Variants in MACROD2 observed in about 807,000 individuals in gnomAD.
The protein encoded by MACROD2 is mono-ADP ribosylhydrolase 2.
A neutral mutation model predicts 70.4 loss-of-function variants in MACROD2; 36 were observed. The observed-to-expected ratio is 0.51, with a 90% confidence interval of 0.39 to 0.68. The LOEUF (loss-of-function observed/expected upper bound fraction) is 0.68. Ranked by LOEUF, MACROD2 falls within the 30% of genes least tolerant of loss-of-function variation. MACROD2 has a pLI of 0.00. For missense variants in MACROD2, 496 were observed against 538.4 expected (o/e 0.92, Z 0.78); for synonymous variants, 172 against 178.8 (o/e 0.96, Z 0.30).
At chr20:14,024,579 A>G (rs1326789296) in intron 2 of MACROD2, among the ~76,000 whole-genome samples, 1 of 152,148 alleles carries the variant, frequency 6.6e-6, no homozygotes, top group African/African-American at 2.4e-5. Context: ...TAGCTTATTG[A>G]GAGTTTTTAG....
chr20:14,481,145 AG>A (rs1435588474), intron 3 of MACROD2, among the ~76,000 whole-genome samples: 1 of 152,156 alleles, frequency 6.6e-6, no homozygotes, highest in East Asian at 1.9e-4. Context: ...ATAAAATCTT[AG>A]GTTAGCCAGT....
intron 8 of MACROD2, among the ~76,000 whole-genome samples, chr20:15,510,392 G>A (rs139142418): frequency 6.6e-6 from 1 of 152,216 alleles, no homozygotes; most frequent in Non-Finnish European, 1.5e-5. Context: ...TGATGGACTA[G>A]GACTCGTATG....
chr20:15,446,568 T>C (rs1407556160), intron 7 of MACROD2, among the ~76,000 whole-genome samples: 3 of 152,182 alleles, frequency 2.0e-5, no homozygotes, highest in African/African-American at 7.2e-5. Context: ...TCTGGCACAC[T>C]GCCAACACCC....
intron 4 of MACROD2, among the ~76,000 whole-genome samples, chr20:14,581,995 G>A (rs1176468755): frequency 6.6e-6 from 1 of 152,108 alleles, no homozygotes; most frequent in South Asian, 2.1e-4. Context: ...AAGATTAAAC[G>A]TCAGTTGCTC....
intron 3 of MACROD2, among the ~76,000 whole-genome samples, chr20:14,241,557 T>C (rs2081929811): frequency 6.6e-6 from 1 of 152,086 alleles, no homozygotes; most frequent in African/African-American, 2.4e-5. Flanking sequence ...TAAGCATATA[T>C]GTATATATAT....
chr20:14,725,646 C>G (rs2071520481), intron 5 of MACROD2, among the ~76,000 whole-genome samples: 2 of 152,096 alleles, frequency 1.3e-5, no homozygotes, highest in African/African-American at 4.8e-5. Flanking sequence ...GGAGAGGAAG[C>G]CAGCAAAGCT....
chr20:14,487,973 T>A (rs1481012954), intron 3 of MACROD2, among the ~76,000 whole-genome samples: 1 of 152,196 alleles, frequency 6.6e-6, no homozygotes, highest in Non-Finnish European at 1.5e-5. Flanking sequence ...ATACTGGAAC[T>A]AGGTAAGATA....
rs76214962 is a variant in MACROD2, at chr20:15,260,287, C to T, written c.540+30226C>T. Reference sequence around the variant, plus strand: ...CCATTCCCTCTTTATCCCCCCTCCCCACTTCCTTTCATAGCTTCTGGTAAC... The same window carrying T: ...CCATTCCCTCTTTATCCCCCCTCCCTACTTCCTTTCATAGCTTCTGGTAAC... On this transcript the variant is annotated intron_variant, in intron 6 of 17. Transcript: ENST00000684519. 2.7e-3 allele frequency among the ~76,000 whole-genome samples: 412 copies of T among 151,414 alleles called. 1 individual carries two copies. Among genetic ancestry groups the T allele is most frequent in the African/African-American group, 9.7e-3 (399 of 41,328 alleles).
chr20:15,800,331 A>G (rs1221234080), intron 8 of MACROD2, among the ~76,000 whole-genome samples: 2 of 152,060 alleles, frequency 1.3e-5, no homozygotes, highest in Admixed American at 1.3e-4. Context: ...GCCTGTGCCT[A>G]TGAAGTCTGA....
rs576216724 is a variant in MACROD2, at chr20:14,780,790, C to T, written c.418+95831C>T. Among the ~76,000 whole-genome samples, 115 of 152,126 alleles carry T rather than the reference C, an allele frequency of 7.6e-4. 1 individual carries two copies. The highest frequency in any genetic ancestry group is 1.4e-3 in the Non-Finnish European group (93 of 67,994). ...TGGTATTAGTCAGTCAAAATCTATTCAGATGCCAGCAATGGACCGTTTTCA... is the reference window on the plus strand; with the variant it reads ...TGGTATTAGTCAGTCAAAATCTATTTAGATGCCAGCAATGGACCGTTTTCA... On this transcript the variant is annotated intron_variant, in intron 5 of 17. Transcript: ENST00000684519.
At chr20:14,789,010 C>T (rs1228502324) in intron 5 of MACROD2, among the ~76,000 whole-genome samples, 1 of 151,862 alleles carries the variant, frequency 6.6e-6, no homozygotes, top group East Asian at 1.9e-4. Context: ...CTCAGGTGAT[C>T]TGCCTGCCTC....
chr20:16,040,747 CAACA>C (rs2067296932), intron 15 of MACROD2, among the ~76,000 whole-genome samples: 1 of 151,938 alleles, frequency 6.6e-6, no homozygotes, highest in Non-Finnish European at 1.5e-5. Context: ...ACAACAACAA[CAACA>C]AAAACTCTCA....
At chr20:14,445,460 A>C (rs62204398) in intron 3 of MACROD2, among the ~76,000 whole-genome samples, 2 of 151,966 alleles carry the variant, frequency 1.3e-5, no homozygotes, top group East Asian at 1.9e-4. Context: ...GTTCATCATC[A>C]TGTTATTTAA....
At chr20:14,488,665 CAT>C (rs1438622986) in intron 3 of MACROD2, among the ~76,000 whole-genome samples, 3 of 152,100 alleles carry the variant, frequency 2.0e-5, no homozygotes, top group Non-Finnish European at 2.9e-5. Flanking sequence ...TCTAAGTTGA[CAT>C]ATTGTATGGT....
intron 5 of MACROD2, among the ~76,000 whole-genome samples, chr20:15,043,399 C>T (rs1600990776): frequency 6.6e-6 from 1 of 152,190 alleles, no homozygotes; most frequent in South Asian, 2.1e-4. Context: ...CTCTCCAGGC[C>T]CACACAGGCC....
chr20:15,551,058 T>C (rs1232569760), intron 8 of MACROD2, among the ~76,000 whole-genome samples: 1 of 152,230 alleles, frequency 6.6e-6, no homozygotes, highest in African/African-American at 2.4e-5. Context: ...GATACTGAAA[T>C]GTCCTATGTC....
intron 5 of MACROD2, among the ~76,000 whole-genome samples, chr20:15,206,729 T>G (rs1204637807): frequency 1.5e-5 from 1 of 67,122 alleles, no homozygotes; most frequent in Non-Finnish European, 2.9e-5. Context: ...ATGTTTTTTT[T>G]TTTTTTTTTT....
intron 5 of MACROD2, among the ~76,000 whole-genome samples, chr20:14,751,811 T>G (rs898519567): frequency 2.0e-5 from 3 of 149,794 alleles, no homozygotes; most frequent in Non-Finnish European, 4.4e-5. Context: ...CACTGATTTT[T>G]GTGGGTGAAA....
At chr20:14,344,264 A>G (rs1409136097) in intron 3 of MACROD2, among the ~76,000 whole-genome samples, 1 of 152,240 alleles carries the variant, frequency 6.6e-6, no homozygotes, top group Non-Finnish European at 1.5e-5. Flanking sequence ...GGGAACTGAT[A>G]TGAACTGATT....
Sources: allele counts gnomAD v4.1 joint callset (sites outside exome capture counted in the v4.1 genomes callset), GRCh38; gene constraint gnomAD v4.1.1; transcripts MANE v1.5; gene names NCBI Gene and HGNC (gene_info 2026-07-23, HGNC 2026-07-21).